The following TRA2A variants were observed in gnomAD, a reference collection of about 807,000 sequenced individuals.
TRA2A encodes transformer-2 protein homolog alpha.
A neutral mutation model predicts 45.7 loss-of-function variants in TRA2A; 31 were observed. The observed-to-expected ratio is 0.68, with a 90% CI of 0.51 to 0.92. TRA2A has a LOEUF of 0.92. Ranked by LOEUF, TRA2A falls within the 40% of genes least tolerant of loss-of-function variation. TRA2A has a pLI of 0.00. For missense variants in TRA2A, 304 were observed against 367.5 expected (o/e 0.83, Z 1.41); for synonymous variants, 132 against 126.2 (o/e 1.05, Z -0.31).
In TRA2A at chr7:23,507,547, A is replaced by G; in HGVS notation, c.526-12T>C. ...GCCCTTTCCATAGCCTATAAAGAACAGGCACAAAAAGTCACGTATAATTCA... is the reference window on the plus strand; with the variant it reads ...GCCCTTTCCATAGCCTATAAAGAACGGGCACAAAAAGTCACGTATAATTCA... On this transcript the variant is annotated splice_polypyrimidine_tract_variant and intron_variant, in intron 4 of 7. Coordinates refer to ENST00000297071, the MANE Select transcript of TRA2A (RefSeq NM_013293.5). 6.3e-7 allele frequency: 1 copy of G among 1,581,432 alleles called. No individual in the cohort carries two copies. Among genetic ancestry groups the G allele is most frequent in the Non-Finnish European group, 8.7e-7 (1 of 1,150,452 alleles).
chr7:23,508,275 TAAAAAAAAA>T (rs67642004), intron 4 of TRA2A, among the ~76,000 whole-genome samples: 16 of 101,542 alleles, frequency 1.6e-4, no homozygotes, highest in Non-Finnish European at 2.7e-4. Context: ...TAAAGGTCAT[TAAAAAAAAA>T]AAAAAAAAAA....
rs1789341139 is a variant in TRA2A, at chr7:23,506,387, T to C, written c.642-121A>G. ...GAAGAACATCCCTTTCATGAGAAATTGCCTCCGTATCTCATTTTACTGACT... is the reference window on the plus strand; with the variant it reads ...GAAGAACATCCCTTTCATGAGAAATCGCCTCCGTATCTCATTTTACTGACT... On this transcript the variant is annotated intron_variant, in intron 5 of 7. Coordinates refer to ENST00000297071, the MANE Select transcript of TRA2A (RefSeq NM_013293.5). 3 of 1,235,704 alleles carry C rather than the reference T, an allele frequency of 2.4e-6. No homozygotes were observed. The East Asian group carries it at 7.8e-5, about 32-fold the overall frequency. The allele number at this position is 1,235,704 out of a possible 1,614,324, so 76.5% of individuals were successfully genotyped here. A position where few individuals can be genotyped will look rare whatever the true frequency, so the allele number is the denominator to read the frequency against.
chr7:23,505,777 T>C lies in TRA2A; in HGVS notation c.807A>G (p.Arg269=), dbSNP rs1368445838. The C allele has an allele frequency of 2.6e-6, 4 of 1,566,556 alleles. No homozygotes were observed. The South Asian group carries it at 3.7e-5, about 14-fold the overall frequency. ...TGTAGGAACGAGATCTTGATCGTGA[T>C]CTATATCGACTATAATAAGGAGAAG... ...RSPSPYYSRY[R]SRSRSRSYSP... Residue 269 remains arginine, a synonymous_variant, in exon 7 of 8, where the codon AGA becomes AGG. Coordinates refer to ENST00000297071, the MANE Select transcript of TRA2A (RefSeq NM_013293.5).
intron 6 of TRA2A, 31 bp downstream of exon 6, chr7:23,506,107 T>G (rs1229965746): frequency 6.3e-7 from 1 of 1,576,220 alleles, no homozygotes; most frequent in Admixed American, 1.8e-5. Flanking sequence ...ATCATCTAAT[T>G]TAGAACAGAA....
intron 1 of TRA2A, chr7:23,522,116 C>T: frequency 7.9e-7 from 1 of 1,272,832 alleles, no homozygotes; most frequent in Non-Finnish European, 1.0e-6. Flanking sequence ...GAACATAAAC[C>T]ATACATTTAC....
chr7:23,513,112 C>A, intron 3 of TRA2A, 30 bp from the exon 4 acceptor site: 1 of 1,504,110 alleles, frequency 6.6e-7, no homozygotes, highest in Non-Finnish European at 9.1e-7. Flanking sequence ...TTTAAAACTC[C>A]AAATTAAAAT....
At chr7:23,506,469 A>G in intron 5 of TRA2A, 1 of 489,180 alleles carries the variant, frequency 2.0e-6, no homozygotes, top group Non-Finnish European at 3.5e-6. Flanking sequence ...AGGGCTTCAC[A>G]AAACTCTCAA....
At chr7:23,511,122 A>G (rs1789581285) in intron 4 of TRA2A, among the ~76,000 whole-genome samples, 1 of 152,058 alleles carries the variant, frequency 6.6e-6, no homozygotes, top group Non-Finnish European at 1.5e-5. Flanking sequence ...CTGTAATTCC[A>G]ACACCTTGGG....
intron 4 of TRA2A, among the ~76,000 whole-genome samples, chr7:23,508,344 T>C (rs527562438): frequency 1.2e-4 from 18 of 149,822 alleles, no homozygotes; most frequent in African/African-American, 4.4e-4. Flanking sequence ...CATAGTTCAC[T>C]GTGGCCTCAA....
chr7:23,530,879 G>C (rs1790547597), intron 1 of TRA2A, among the ~76,000 whole-genome samples: 1 of 151,170 alleles, frequency 6.6e-6, no homozygotes, highest in South Asian at 2.1e-4. Flanking sequence ...CAATGAATTC[G>C]TTCAGCTATG....
At chr7:23,511,871 C>T (rs1299010713) in intron 4 of TRA2A, among the ~76,000 whole-genome samples, 1 of 152,094 alleles carries the variant, frequency 6.6e-6, no homozygotes, top group East Asian at 1.9e-4. Context: ...TACTATTTTT[C>T]AATTATTGAA....
intron 1 of TRA2A, among the ~76,000 whole-genome samples, chr7:23,527,995 T>C (rs560932558): frequency 4.6e-5 from 7 of 152,270 alleles, no homozygotes; most frequent in African/African-American, 1.7e-4. Flanking sequence ...TGATAGTACT[T>C]AAATTTAGGA....
chr7:23,511,335 C>A (rs1431073791), intron 4 of TRA2A, among the ~76,000 whole-genome samples: 1 of 123,928 alleles, frequency 8.1e-6, no homozygotes, highest in Non-Finnish European at 1.6e-5. Flanking sequence ...CGCGCCACTG[C>A]ACTCCAGCCT....
At chr7:23,523,131 A>G (rs1445670366) in intron 1 of TRA2A, among the ~76,000 whole-genome samples, 2 of 152,182 alleles carry the variant, frequency 1.3e-5, no homozygotes, top group South Asian at 4.1e-4. Context: ...ATTATCCACG[A>G]CATACCACAA....
intron 4 of TRA2A, among the ~76,000 whole-genome samples, chr7:23,510,118 C>T (rs1304306999): frequency 6.6e-6 from 1 of 152,150 alleles, no homozygotes; most frequent in Non-Finnish European, 1.5e-5. Flanking sequence ...AGACTGGAGA[C>T]AGTCTCAGCC....
chr7:23,512,283 G>C (rs1171574048), intron 4 of TRA2A, among the ~76,000 whole-genome samples: 1 of 152,182 alleles, frequency 6.6e-6, no homozygotes, highest in Admixed American at 6.5e-5. Context: ...GAGGCCAGGA[G>C]TTCGAGATCA....
intron 1 of TRA2A, among the ~76,000 whole-genome samples, chr7:23,526,246 A>G (rs536981193): frequency 6.6e-6 from 1 of 152,326 alleles, no homozygotes; most frequent in South Asian, 2.1e-4. Context: ...TATATGTGCT[A>G]TCCATTAAAA....
At chr7:23,526,825 A>G (rs1313497654) in intron 1 of TRA2A, among the ~76,000 whole-genome samples, 2 of 152,186 alleles carry the variant, frequency 1.3e-5, no homozygotes, top group African/African-American at 4.8e-5. Flanking sequence ...CTTTATCTGC[A>G]AAGACTCAAA....
chr7:23,505,611 TAAC>T (rs1436098619), intron 7 of TRA2A, 42 bp from the exon 8 acceptor site: 2 of 506,096 alleles, frequency 4.0e-6, no homozygotes, highest in Non-Finnish European at 6.8e-6. Context: ...AAAAAAAAGT[TAAC>T]AATTATAGTT....
Sources: allele counts gnomAD v4.1 joint callset (sites outside exome capture counted in the v4.1 genomes callset), GRCh38; gene constraint gnomAD v4.1.1; transcripts MANE v1.5; gene names NCBI Gene and HGNC (gene_info 2026-07-23, HGNC 2026-07-21).